PPCS: variants seen among roughly 807,000 people sequenced by gnomAD.
The protein encoded by PPCS is phosphopantothenoylcysteine synthetase.
In PPCS, 17 loss-of-function variants were observed where a neutral mutation model predicts 24.6. The observed-to-expected ratio is 0.69, with a 90% confidence interval of 0.47 to 1.04. The LOEUF (loss-of-function observed/expected upper bound fraction) is 1.04, where lower values mean the gene tolerates loss of function less well. PPCS is among the 50% of genes least tolerant of loss of function. PPCS has a pLI of 0.00. For synonymous variants in PPCS, 190 were observed against 168.3 expected (o/e 1.13, Z -1.00); for missense variants, 360 against 402.8 (o/e 0.89, Z 0.91).
chr1:42,459,753 G>A lies in PPCS; in HGVS notation c.763G>A (p.Val255Met). ...TTTGGAAATTTATCAGCATCAAGTG[G>A]TGGTGGCTAATATCCTTGAGTCACG... is the stretch of plus-strand genomic sequence containing the variant. ...KALEIYQHQV[V>M]VANILESRQS... The change falls in exon 3 of 3, where the codon GTG (valine) becomes ATG (methionine). Residue 255 changes from valine to methionine, a missense_variant. Val to Met is a conservative substitution (Grantham distance 21). Transcript: ENST00000372561. 6.2e-7 allele frequency: 1 copy of A among 1,614,200 alleles called. No homozygotes were observed. The highest frequency in any genetic ancestry group is 1.1e-5 in the South Asian group (1 of 91,088).
chr1:42,465,943 A>G (rs1324747604), downstream of PPCS, among the ~76,000 whole-genome samples: 2 of 152,160 alleles, frequency 1.3e-5, no homozygotes, highest in Non-Finnish European at 1.5e-5. Context: ...ACATTTTTAC[A>G]TAGTTATGTA....
chr1:42,461,402 C>T (rs1055347206), downstream of PPCS, among the ~76,000 whole-genome samples: 2 of 152,268 alleles, frequency 1.3e-5, no homozygotes, highest in Non-Finnish European at 2.9e-5. Context: ...GTGGTCCAAT[C>T]ATGGTTCACT....
chr1:42,464,339 T>C (rs1643500285), downstream of PPCS: 2 of 152,230 alleles, frequency 1.3e-5, no homozygotes, highest in Admixed American at 1.3e-4. Context: ...CCTTGTTTCA[T>C]TAAATTTTAT....
chr1:42,456,929 G>A lies in PPCS; in HGVS notation c.364G>A (p.Glu122Lys). 2 of 1,608,808 alleles carry A rather than the reference G, an allele frequency of 1.2e-6. No individual in the cohort carries two copies. Among genetic ancestry groups the A allele is most frequent in the African/African-American group, 1.3e-5 (1 of 75,080 alleles). ...GGGCTTGCTGAGCCTGGAGGCCGAGGAGAATGCACTTCCGGGTTTTGCTGA... is the reference window on the plus strand; with the variant it reads ...GGGCTTGCTGAGCCTGGAGGCCGAGAAGAATGCACTTCCGGGTTTTGCTGA... ...LSGLLSLEAE[E>K]NALPGFAEAL... Residue 122 changes from glutamate (E) to lysine (K), a missense_variant, in exon 1 of 3, where the codon GAG becomes AAG. Coordinates refer to ENST00000372561, the MANE Select transcript of PPCS (RefSeq NM_024664.4).
At chr1:42,464,529 G>C (rs1262735668), downstream of PPCS, among the ~76,000 whole-genome samples, 1 of 152,152 alleles carries the variant, frequency 6.6e-6, no homozygotes, top group African/African-American at 2.4e-5. Context: ...CATTCTTTGT[G>C]ATGTAAGCCA....
Position 42,459,745 on chromosome 1 carries a change from A to AT in PPCS, c.756dup (p.Gln253SerfsTer6). On this transcript the variant is annotated frameshift_variant, in exon 3 of 3. Coordinates refer to ENST00000372561, the MANE Select transcript of PPCS (RefSeq NM_024664.4). LOFTEE classifies it high-confidence loss of function. ...CGGAAGGCTTTGGAAATTTATCAGC[A>AT]TCAAGTGGTGGTGGCTAATATCCTT... 1 of 1,614,250 alleles carries AT rather than the reference A, an allele frequency of 6.2e-7. No individual in the cohort carries two copies. Among genetic ancestry groups the AT allele is most frequent in the Non-Finnish European group, 8.5e-7 (1 of 1,180,046 alleles).
Position 42,456,562 on chromosome 1 carries a change from G to T in PPCS, c.-4G>T, listed in dbSNP as rs1643189587. Reference sequence around the variant, plus strand: ...GTGCGCAGGCGCCGGCCGCTGCGCTGCAGATGGCGGAAATGGATCCGGTAG... The same window carrying T: ...GTGCGCAGGCGCCGGCCGCTGCGCTTCAGATGGCGGAAATGGATCCGGTAG... On this transcript the variant is annotated 5_prime_UTR_variant, in exon 1 of 3. Transcript: ENST00000372561. 3 of 1,470,902 alleles carry T rather than the reference G, an allele frequency of 2.0e-6. No homozygotes were observed. The East Asian group carries it at 7.4e-5, about 37-fold the overall frequency. The allele number at this position is 1,470,902 out of a possible 1,614,324, so 91.1% of individuals were successfully genotyped here. A position where few individuals can be genotyped will look rare whatever the true frequency, so the allele number is the denominator to read the frequency against.
intron 2 of PPCS, among the ~76,000 whole-genome samples, chr1:42,472,577 A>C (rs757347082): frequency 2.6e-5 from 4 of 152,224 alleles, no homozygotes; most frequent in Non-Finnish European, 5.9e-5. Flanking sequence ...TTGGACTTTA[A>C]AAAAGAAACA....
chr1:42,466,296 C>T (rs1643579599), intron 2 of PPCS, among the ~76,000 whole-genome samples: 1 of 152,156 alleles, frequency 6.6e-6, no homozygotes, highest in Non-Finnish European at 1.5e-5. Flanking sequence ...AGGGTCCTGG[C>T]CCCTGCAATG....
At chr1:42,472,921 A>G (rs994014812) in intron 2 of PPCS, among the ~76,000 whole-genome samples, 8 of 152,166 alleles carry the variant, frequency 5.3e-5, no homozygotes, top group Non-Finnish European at 1.0e-4. Flanking sequence ...CTTTAGAAAT[A>G]TCTTGGATTT....
At chr1:42,464,359 TATCA>T (rs1380904221), downstream of PPCS, 6 of 152,254 alleles carry the variant, frequency 3.9e-5, no homozygotes, top group Admixed American at 2.0e-4. Context: ...TTGATGTGTT[TATCA>T]ATGTGAAAAG....
At chr1:42,463,890 G>T (rs1457414873), downstream of PPCS, 2 of 152,090 alleles carry the variant, frequency 1.3e-5, no homozygotes, top group Admixed American at 1.3e-4. Flanking sequence ...CAACATCAGA[G>T]GTCATGAAGT....
chr1:42,465,062 C>T (rs1370555033), downstream of PPCS, among the ~76,000 whole-genome samples: 1 of 152,144 alleles, frequency 6.6e-6, no homozygotes, highest in Non-Finnish European at 1.5e-5. Context: ...CTTTCCTTTC[C>T]TCTTCTAATA....
chr1:42,458,213 TTTTG>T (rs1643292792), intron 2 of PPCS, among the ~76,000 whole-genome samples: 1 of 152,188 alleles, frequency 6.6e-6, no homozygotes, highest in South Asian at 2.1e-4. Context: ...GAGATAAAGT[TTTTG>T]TTTGAGAACA....
chr1:42,459,638 T>G lies in PPCS; in HGVS notation c.648T>G (p.Pro216=). The G allele has an allele frequency of 6.2e-7, 1 of 1,614,070 alleles. No individual in the cohort carries two copies. Among genetic ancestry groups the G allele is most frequent in the Non-Finnish European group, 8.5e-7 (1 of 1,179,952 alleles). The change falls in exon 3 of 3, where the codon CCT becomes CCG. Residue 216 remains proline (P), a synonymous_variant. Coordinates refer to ENST00000372561, the MANE Select transcript of PPCS (RefSeq NM_024664.4). ...AGATGGTGCCAAAACTGCTTTCTCC[T>G]TTGGTTAAAGATTGGGCTCCCAAAG... ...TMKMVPKLLS[P]LVKDWAPKAF...
At position 42,456,554 on chromosome 1, in the gene PPCS, G is replaced by A. The variant is rs1053024871; in HGVS notation, c.-12G>A. On this transcript the variant is annotated 5_prime_UTR_variant, in exon 1 of 3. Coordinates refer to ENST00000372561, the MANE Select transcript of PPCS (RefSeq NM_024664.4). ...CGCGAAACGTGCGCAGGCGCCGGCC[G>A]CTGCGCTGCAGATGGCGGAAATGGA... The A allele has an allele frequency of 2.1e-6, 3 of 1,458,290 alleles. No individual in the cohort carries two copies. The highest frequency in any genetic ancestry group is 2.9e-5 in the African/African-American group (2 of 69,166). The allele number at this position is 1,458,290 out of a possible 1,614,324, so 90.3% of individuals were successfully genotyped here.
rs1329152615 is a variant in PPCS at position 42,456,618 on chromosome 1, G to A, written c.53G>A (p.Arg18His). 6.4e-7 allele frequency: 1 copy of A among 1,551,524 alleles called. No individual in the cohort carries two copies. The highest frequency in any genetic ancestry group is 8.7e-7 in the Non-Finnish European group (1 of 1,152,964). ...TTCCCCCAGCCTCCCGGTGCTGCGCGCTGGGCTGAGGTTATGGCTCGCTTC... is the reference window on the plus strand; with the variant it reads ...TTCCCCCAGCCTCCCGGTGCTGCGCACTGGGCTGAGGTTATGGCTCGCTTC... Reference protein sequence around the residue: ...AEFPQPPGAARWAEVMARFAA... With the variant: ...AEFPQPPGAAHWAEVMARFAA... The change falls in exon 1 of 3, where the codon CGC becomes CAC. Residue 18 changes from arginine to histidine, a missense_variant. Around this residue, in one of 2 missense-constraint regions of PPCS, gnomAD observed 244 missense variants for 234.7 expected, o/e 1.04. Transcript: ENST00000372561.
At chr1:42,465,280 C>T (rs1172091923), downstream of PPCS, among the ~76,000 whole-genome samples, 1 of 152,146 alleles carries the variant, frequency 6.6e-6, no homozygotes. Context: ...CACTGCGCTC[C>T]AACCTGGGCT....
intron 2 of PPCS, among the ~76,000 whole-genome samples, chr1:42,458,186 C>G (rs1341395059): frequency 6.6e-6 from 1 of 152,000 alleles, no homozygotes; most frequent in African/African-American, 2.4e-5. Flanking sequence ...AGCTAAGGGA[C>G]ACATAAGTAG....
Sources: allele counts gnomAD v4.1 joint callset (sites outside exome capture counted in the v4.1 genomes callset), GRCh38; gene constraint gnomAD v4.1.1; regional missense constraint gnomAD v4.1.1; transcripts MANE v1.5; gene names NCBI Gene and HGNC (gene_info 2026-07-23, HGNC 2026-07-21).